ERC1: variants seen among roughly 807,000 people sequenced by gnomAD.
The protein encoded by ERC1 is ELKS/RAB6-interacting/CAST family member 1.
ERC1 carries 56 observed loss-of-function variants against 132.0 expected under a neutral mutation model. That is an observed-to-expected ratio of 0.42 (90% CI 0.34 to 0.53). ERC1 has a LOEUF of 0.53. Ranked by LOEUF, ERC1 falls within the 20% of genes least tolerant of loss-of-function variation. The probability of loss-of-function intolerance (pLI) is 0.03; values close to 1 mark genes in which losing one functional copy is unlikely to be tolerated. For missense variants in ERC1, 1,202 were observed against 1,349.9 expected (o/e 0.89, Z 1.72); for synonymous variants, 478 against 476.1 (o/e 1.00, Z -0.05).
At chr12:1,037,287 A>G (rs1969272697) in intron 2 of ERC1, among the ~76,000 whole-genome samples, 1 of 152,170 alleles carries the variant, frequency 6.6e-6, no homozygotes, top group Non-Finnish European at 1.5e-5. Flanking sequence ...ATCTCAGTGA[A>G]ATAAAATTGT....
chr12:1,370,599 C>CTTTAAGAAT (rs1177667068), intron 15 of ERC1, among the ~76,000 whole-genome samples: 3 of 152,326 alleles, frequency 2.0e-5, no homozygotes, highest in East Asian at 3.9e-4. Context: ...ATGTAAGTTA[C>CTTTAAGAAT]AGGATTATTC....
chr12:1,397,894 G>C (rs913664856), intron 16 of ERC1, among the ~76,000 whole-genome samples: 1 of 152,124 alleles, frequency 6.6e-6, no homozygotes, highest in African/African-American at 2.4e-5. Flanking sequence ...TTAAATTGTT[G>C]ACATTCACAT....
intron 1 of ERC1, among the ~76,000 whole-genome samples, chr12:1,022,857 A>G (rs1045585275): frequency 9.2e-5 from 14 of 152,198 alleles, no homozygotes; most frequent in African/African-American, 3.4e-4. Context: ...ACCTCAAGTG[A>G]TCCACTGACC....
chr12:1,484,070 CT>C (rs1565529585), intron 18 of ERC1, among the ~76,000 whole-genome samples: 5 of 61,418 alleles, frequency 8.1e-5, no homozygotes, highest in African/African-American at 3.1e-4. Context: ...CTTTGGGAGG[CT>C]GAGGCGGGCG....
chr12:1,339,788 GT>G (rs2083656196), intron 15 of ERC1, among the ~76,000 whole-genome samples: 1 of 152,152 alleles, frequency 6.6e-6, no homozygotes, highest in African/African-American at 2.4e-5. Context: ...GTTGCTCAGG[GT>G]TGGGGAGGGT....
intron 17 of ERC1, among the ~76,000 whole-genome samples, chr12:1,419,938 G>A (rs1045849739): frequency 6.6e-6 from 1 of 151,376 alleles, no homozygotes; most frequent in Non-Finnish European, 1.5e-5. Context: ...GTGAAAAGAG[G>A]CACCTTCCTC....
intron 1 of ERC1, among the ~76,000 whole-genome samples, chr12:1,006,595 C>G (rs1250241494): frequency 6.6e-6 from 1 of 151,854 alleles, no homozygotes; most frequent in Non-Finnish European, 1.5e-5. Context: ...GGGGTTTTGC[C>G]GTGTTGCCCA....
intron 8 of ERC1, among the ~76,000 whole-genome samples, chr12:1,143,381 T>TGTGTGTGTGTG (rs1566072527): frequency 2.1e-5 from 3 of 144,242 alleles, no homozygotes; most frequent in Non-Finnish European, 4.5e-5. Context: ...TGTGTGTGTG[T>TGTGTGTGTGTG]TCAGACTTCT....
rs146396325 is a variant in ERC1, at chr12:1,402,054, T to C, written c.2926-6095T>C. ...ACCAATATTGCAAAATAGGAAAGTA[T>C]ACATTTAAAAAACTGGAAATTACAG... On this transcript the variant is annotated intron_variant, in intron 16 of 18. Transcript: ENST00000360905. Among the ~76,000 whole-genome samples, 1,240 of 152,172 alleles carry C rather than the reference T, an allele frequency of 8.1e-3. 17 individuals are homozygous for C. Among genetic ancestry groups the C allele is most frequent in the African/African-American group, 0.028 (1,161 of 41,518 alleles).
At chr12:1,131,165 C>G (rs1194235132) in intron 7 of ERC1, among the ~76,000 whole-genome samples, 1 of 151,924 alleles carries the variant, frequency 6.6e-6, no homozygotes, top group African/African-American at 2.4e-5. Flanking sequence ...CTAGTTGGGG[C>G]CAGGAATAAA....
chr12:1,347,449 A>G (rs2084585488), intron 15 of ERC1, among the ~76,000 whole-genome samples: 1 of 151,430 alleles, frequency 6.6e-6, no homozygotes. Context: ...TTAACATATC[A>G]TTATCTCACA....
intron 16 of ERC1, among the ~76,000 whole-genome samples, chr12:1,395,357 C>T (rs2090438583): frequency 6.6e-6 from 1 of 150,560 alleles, no homozygotes; most frequent in Admixed American, 6.6e-5. Flanking sequence ...ATGGCCTTGC[C>T]AGAAAACAGG....
intron 11 of ERC1, among the ~76,000 whole-genome samples, chr12:1,184,702 A>G (rs1309476769): frequency 6.6e-6 from 1 of 152,198 alleles, no homozygotes; most frequent in Admixed American, 6.5e-5. Flanking sequence ...CTCAGAATTT[A>G]TTGAGGAAAG....
intron 15 of ERC1, among the ~76,000 whole-genome samples, chr12:1,324,492 T>C (rs951625418): frequency 2.0e-5 from 3 of 152,186 alleles, no homozygotes; most frequent in African/African-American, 7.2e-5. Context: ...TATATTTTAT[T>C]TCTCTCAACG....
intron 12 of ERC1, among the ~76,000 whole-genome samples, chr12:1,194,363 G>A (rs997383347): frequency 2.0e-5 from 3 of 152,180 alleles, no homozygotes; most frequent in African/African-American, 4.8e-5. Context: ...GGAGGTTGCA[G>A]TGAGCCAAGA....
At chr12:1,217,833 C>G (rs986239516) in intron 12 of ERC1, among the ~76,000 whole-genome samples, 5 of 152,134 alleles carry the variant, frequency 3.3e-5, no homozygotes, top group African/African-American at 1.2e-4. Flanking sequence ...TTGCTTTTCT[C>G]TTTTGTCACA....
At chr12:1,447,237 A>C (rs561489780) in intron 18 of ERC1, among the ~76,000 whole-genome samples, 1 of 151,468 alleles carries the variant, frequency 6.6e-6, no homozygotes, top group Non-Finnish European at 1.5e-5. Context: ...AAGCAGTGCT[A>C]CTGGGCACAG....
chr12:1,012,471 CTTTTT>C (rs58882619), intron 1 of ERC1, among the ~76,000 whole-genome samples: 3 of 85,478 alleles, frequency 3.5e-5, no homozygotes, highest in Admixed American at 1.3e-4. Context: ...GATATTTAAT[CTTTTT>C]TTTTTTTTTT....
chr12:1,084,534 C>G (rs1345517906), intron 3 of ERC1, among the ~76,000 whole-genome samples: 1 of 151,974 alleles, frequency 6.6e-6, no homozygotes, highest in Non-Finnish European at 1.5e-5. Context: ...AGTAGAACAT[C>G]ATTGTTTTTT....
Sources: allele counts gnomAD v4.1 joint callset (sites outside exome capture counted in the v4.1 genomes callset), GRCh38; gene constraint gnomAD v4.1.1; transcripts MANE v1.5; gene names NCBI Gene and HGNC (gene_info 2026-07-23, HGNC 2026-07-21).